Variants in MOV10L1 observed in about 807,000 individuals in gnomAD.
MOV10L1 encodes RNA helicase Mov10l1.
In MOV10L1, 110 loss-of-function variants were observed where a neutral mutation model predicts 143.8. The ratio of observed to expected loss-of-function variants is 0.76; its 90% CI spans 0.66 to 0.90. MOV10L1 has a LOEUF of 0.90. MOV10L1 is among the 40% of genes least tolerant of loss of function. The probability of loss-of-function intolerance (pLI) is 0.00; values close to 1 mark genes in which losing one functional copy is unlikely to be tolerated. For missense variants in MOV10L1, 1,406 were observed against 1,526.8 expected, an observed-to-expected ratio of 0.92 and a Z score of 1.32; for synonymous variants, 593 against 581.1, an observed-to-expected ratio of 1.02 and a Z score of -0.29.
intron 24 of MOV10L1, among the ~76,000 whole-genome samples, 161 bp from the exon 25 acceptor site, chr22:50,160,527 C>T (rs1015729267): frequency 6.6e-6 from 1 of 152,078 alleles, no homozygotes; most frequent in Non-Finnish European, 1.5e-5. Flanking sequence ...GCTGGGATTA[C>T]AGGCGTGAGC....
At chr22:50,146,975 T>G in intron 19 of MOV10L1, 1 of 1,279,582 alleles carries the variant, frequency 7.8e-7, no homozygotes, top group African/African-American at 1.5e-5. Context: ...GAGAGCCGTG[T>G]GTGGCTACCG....
At chr22:50,132,489 C>G (rs2062705123) in intron 13 of MOV10L1, among the ~76,000 whole-genome samples, 1 of 151,696 alleles carries the variant, frequency 6.6e-6, no homozygotes, top group Non-Finnish European at 1.5e-5. Flanking sequence ...TTTCTTTTAG[C>G]AATATTTTAT....
At position 50,152,966 on chromosome 22, in the gene MOV10L1, G is replaced by C; in HGVS notation, c.2893-79G>C. The C allele has an allele frequency of 2.1e-6, 3 of 1,445,276 alleles. No homozygotes were observed. Among genetic ancestry groups the C allele is most frequent in the Non-Finnish European group, 2.8e-6 (3 of 1,058,358 alleles). The allele number at this position is 1,445,276 out of a possible 1,614,324, so 89.5% of individuals were successfully genotyped here. On this transcript the variant is annotated intron_variant, in intron 21 of 26. Transcript: ENST00000262794. This position sits in a 1 kb window ranked among gnomAD's most constrained non-coding sequence, Gnocchi z 4.4. ...AAGTCAGGCAGGCCTCACGTTTGCT[G>C]TGCAGAGCCGCTTTTCGTTCGACAG... is the stretch of plus-strand genomic sequence containing the variant.
chr22:50,136,971 TTGAC>T, intron 15 of MOV10L1, among the ~76,000 whole-genome samples: 1 of 152,114 alleles, frequency 6.6e-6, no homozygotes, highest in East Asian at 1.9e-4. Flanking sequence ...AGTCCAGCCT[TTGAC>T]TGAAGGCTGC....
intron 13 of MOV10L1, among the ~76,000 whole-genome samples, chr22:50,133,480 G>T (rs1462491414): frequency 1.4e-5 from 2 of 146,834 alleles, no homozygotes; most frequent in African/African-American, 5.0e-5. Context: ...AAGAAAGAAA[G>T]AATGGGTGTG....
intron 11 of MOV10L1, among the ~76,000 whole-genome samples, 157 bp from the exon 12 acceptor site, chr22:50,126,045 G>A (rs1177795730): frequency 6.6e-6 from 1 of 151,920 alleles, no homozygotes; most frequent in African/African-American, 2.4e-5. Flanking sequence ...GCCCGCCTCG[G>A]CCTCTCAAAG....
intron 5 of MOV10L1, among the ~76,000 whole-genome samples, chr22:50,109,170 G>A (rs985075887): frequency 1.3e-5 from 2 of 151,966 alleles, no homozygotes; most frequent in Admixed American, 6.6e-5. Context: ...TTCTTCTTTG[G>A]GATGTGAAAG....
intron 5 of MOV10L1, among the ~76,000 whole-genome samples, chr22:50,109,922 G>A (rs1602171603): frequency 6.6e-6 from 1 of 152,134 alleles, no homozygotes; most frequent in African/African-American, 2.4e-5. Flanking sequence ...ATGCTGAGGC[G>A]GGTAGATCAT....
At chr22:50,109,139 T>C (rs1482244379) in intron 5 of MOV10L1, among the ~76,000 whole-genome samples, 2 of 151,994 alleles carry the variant, frequency 1.3e-5, no homozygotes, top group African/African-American at 4.8e-5. Flanking sequence ...TAAAACTCCG[T>C]CTCAAAAAAA....
intron 20 of MOV10L1, among the ~76,000 whole-genome samples, 167 bp from the exon 21 acceptor site, chr22:50,150,568 G>A (rs531237136): frequency 9.2e-5 from 14 of 152,248 alleles, no homozygotes; most frequent in African/African-American, 3.1e-4. Flanking sequence ...GGGGAGAGAC[G>A]GCTCCAAGCC....
At chr22:50,102,408 C>T (rs2061768412) in intron 3 of MOV10L1, among the ~76,000 whole-genome samples, 2 of 152,150 alleles carry the variant, frequency 1.3e-5, no homozygotes, top group Non-Finnish European at 1.5e-5. Context: ...CCTCATAAAA[C>T]TTTATTTATA....
intron 20 of MOV10L1, among the ~76,000 whole-genome samples, chr22:50,150,412 C>A (rs772344608): frequency 1.3e-5 from 2 of 152,234 alleles, no homozygotes; most frequent in African/African-American, 2.4e-5. Flanking sequence ...CGGCCAGGGC[C>A]AGCCATGCAG....
intron 2 of MOV10L1, 87 bp downstream of exon 2, chr22:50,092,272 C>A: frequency 8.1e-7 from 1 of 1,237,772 alleles, no homozygotes; most frequent in Non-Finnish European, 1.1e-6. Context: ...TCAGACATGA[C>A]CCGGCCAAGG....
intron 20 of MOV10L1, among the ~76,000 whole-genome samples, chr22:50,150,430 C>T (rs559165790): frequency 2.6e-5 from 4 of 152,370 alleles, no homozygotes; most frequent in East Asian, 1.9e-4. Flanking sequence ...CAGAAGCTTC[C>T]AGAAGATAGA....
intron 22 of MOV10L1, among the ~76,000 whole-genome samples, chr22:50,154,160 C>T (rs1341251923): frequency 1.3e-5 from 2 of 152,162 alleles, no homozygotes; most frequent in African/African-American, 4.8e-5. Context: ...AGCTGGACAC[C>T]TCCAGACATG....
At position 50,152,968 on chromosome 22, in the gene MOV10L1, G is replaced by A. The variant is rs1602354518; in HGVS notation, c.2893-77G>A. The A allele has an allele frequency of 1.4e-6, 2 of 1,452,528 alleles. No homozygotes were observed. Among genetic ancestry groups the A allele is most frequent in the Non-Finnish European group, 1.9e-6 (2 of 1,064,222 alleles). 90.0% of individuals were successfully genotyped at this position (1,452,528 alleles called of 1,614,324 possible). A position where few individuals can be genotyped will look rare whatever the true frequency, so the allele number is the denominator to read the frequency against. Reference sequence around the variant, plus strand: ...GTCAGGCAGGCCTCACGTTTGCTGTGCAGAGCCGCTTTTCGTTCGACAGAA... The same window carrying A: ...GTCAGGCAGGCCTCACGTTTGCTGTACAGAGCCGCTTTTCGTTCGACAGAA... On this transcript the variant is annotated intron_variant, in intron 21 of 26. Coordinates refer to ENST00000262794, the MANE Select transcript of MOV10L1 (RefSeq NM_018995.3). The surrounding 1 kb of genome is among the most constrained non-coding windows in gnomAD (Gnocchi z 4.4).
chr22:50,123,999 T>C (rs1292467876), intron 10 of MOV10L1, among the ~76,000 whole-genome samples: 1 of 152,206 alleles, frequency 6.6e-6, no homozygotes, highest in East Asian at 1.9e-4. Flanking sequence ...TTTCCTATCT[T>C]ATTTTAGTAA....
chr22:50,095,370 C>G (rs1442334364), intron 2 of MOV10L1: 3 of 152,212 alleles, frequency 2.0e-5, no homozygotes, highest in Non-Finnish European at 4.4e-5. Context: ...CTCATTCACA[C>G]TACCCTCTTT....
chr22:50,148,069 C>A (rs2063200244), intron 19 of MOV10L1, among the ~76,000 whole-genome samples: 1 of 152,232 alleles, frequency 6.6e-6, no homozygotes, highest in Non-Finnish European at 1.5e-5. Flanking sequence ...ATTTGCCCAG[C>A]ATCTAGGGTT....
Sources: gnomAD v4.1 joint callset for allele counts (sites outside exome capture counted in the v4.1 genomes callset) on GRCh38, gnomAD v4.1.1 for gene constraint, Gnocchi (gnomAD v3.1) non-coding constraint, MANE v1.5 for transcripts, NCBI Gene and HGNC (gene_info 2026-07-23, HGNC 2026-07-21) for gene names.